C8orf34: variants seen among roughly 807,000 people sequenced by gnomAD.
C8orf34 encodes uncharacterized protein C8orf34.
In C8orf34, 65 loss-of-function variants were observed where a neutral mutation model predicts 68.3. The observed-to-expected ratio is 0.95, with a 90% CI of 0.78 to 1.17. C8orf34 has a LOEUF of 1.17. Among genes scored for constraint, C8orf34 ranks in the 50% most tolerant of loss-of-function variants. The pLI, the probability that C8orf34 is intolerant of heterozygous loss-of-function variation, is 0.00. For missense variants in C8orf34, 664 were observed against 655.4 expected (o/e 1.01, Z -0.14); for synonymous variants, 244 against 241.2 (o/e 1.01, Z -0.11).
At chr8:68,448,309 A>C (rs1811204645) in intron 3 of C8orf34, among the ~76,000 whole-genome samples, 2 of 152,162 alleles carry the variant, frequency 1.3e-5, no homozygotes, top group Admixed American at 6.6e-5. Flanking sequence ...GACTGTTACC[A>C]AGCTTTTTAA....
chr8:68,598,179 A>G (rs919176273), intron 7 of C8orf34, among the ~76,000 whole-genome samples: 1 of 152,178 alleles, frequency 6.6e-6, no homozygotes, highest in Non-Finnish European at 1.5e-5. Context: ...GCCAATTTTC[A>G]TAATCCTTGA....
intron 7 of C8orf34, among the ~76,000 whole-genome samples, chr8:68,551,632 G>T (rs1230413700): frequency 1.3e-5 from 2 of 152,014 alleles, no homozygotes. Context: ...ATGATGGACT[G>T]GTTAAGAGAA....
rs576997198 is a variant in C8orf34, at chr8:68,338,567, C to A, written c.327+7228C>A. ...CATGTATATGAAATCACACACTATG[C>A]AAATTTTTTGGTATATCCTCTTTAA... is the stretch of plus-strand genomic sequence containing the variant. On this transcript the variant is annotated intron_variant, in intron 1 of 13. Coordinates refer to ENST00000518698, the MANE Select transcript of C8orf34 (RefSeq NM_052958.4). 7.9e-4 allele frequency among the ~76,000 whole-genome samples: 121 copies of A among 152,212 alleles called. 2 individuals are homozygous for A. Among genetic ancestry groups the A allele is most frequent in the African/African-American group, 2.8e-3 (116 of 41,524 alleles).
chr8:68,771,950 C>T (rs1484656096), intron 10 of C8orf34, among the ~76,000 whole-genome samples: 1 of 152,178 alleles, frequency 6.6e-6, no homozygotes, highest in Non-Finnish European at 1.5e-5. Context: ...TGTCCCAACA[C>T]CTAACACAGT....
chr8:68,802,591 C>T (rs538127010), intron 12 of C8orf34, among the ~76,000 whole-genome samples: 10 of 152,028 alleles, frequency 6.6e-5, no homozygotes, highest in Admixed American at 6.6e-5. Context: ...CTCTGCCTCC[C>T]GGGCTCACAC....
chr8:68,800,074 CATGAG>C (rs1824287126), intron 12 of C8orf34, among the ~76,000 whole-genome samples: 1 of 152,128 alleles, frequency 6.6e-6, no homozygotes, highest in Admixed American at 6.5e-5. Flanking sequence ...AAAACTAAGT[CATGAG>C]AAGAGCAGAG....
At chr8:68,717,360 G>T (rs563212334) in intron 9 of C8orf34, among the ~76,000 whole-genome samples, 1 of 152,196 alleles carries the variant, frequency 6.6e-6, no homozygotes, top group South Asian at 2.1e-4. Flanking sequence ...ACCTGCGGTG[G>T]CAGGTGCCTG....
intron 2 of C8orf34, among the ~76,000 whole-genome samples, chr8:68,439,946 T>C (rs969862408): frequency 1.3e-5 from 2 of 152,250 alleles, no homozygotes; most frequent in Non-Finnish European, 2.9e-5. Context: ...AAACTTATTT[T>C]TTAATGAATA....
rs141188653 is a variant in C8orf34, at chr8:68,445,866, T to A, written c.476-463T>A. 2.1e-3 allele frequency among the ~76,000 whole-genome samples: 323 copies of A among 152,338 alleles called. 1 individual carries two copies. The highest frequency in any genetic ancestry group is 7.0e-3 in the African/African-American group (290 of 41,576). ...GTGCAGTGGCACAGTCTCGGCTCAC[T>A]GCAACTTCTGCCTTCCGGGTTCAAG... On this transcript the variant is annotated intron_variant, in intron 2 of 13. Coordinates refer to ENST00000518698, the MANE Select transcript of C8orf34 (RefSeq NM_052958.4).
At chr8:68,344,852 T>C (rs1482837572) in intron 1 of C8orf34, among the ~76,000 whole-genome samples, 1 of 152,074 alleles carries the variant, frequency 6.6e-6, no homozygotes, top group African/African-American at 2.4e-5. Context: ...GGGAGTAACA[T>C]GGGTAGTGAT....
At chr8:68,416,137 G>T (rs2129622795) in intron 1 of C8orf34, among the ~76,000 whole-genome samples, 1 of 152,126 alleles carries the variant, frequency 6.6e-6, no homozygotes, top group Non-Finnish European at 1.5e-5. Flanking sequence ...TATAGACTTT[G>T]GGTTCTACTA....
At chr8:68,752,584 T>TA (rs1822738353) in intron 10 of C8orf34, among the ~76,000 whole-genome samples, 1 of 152,220 alleles carries the variant, frequency 6.6e-6, no homozygotes, top group Non-Finnish European at 1.5e-5. Context: ...GTCCCACTGA[T>TA]ACTAAGAATT....
intron 2 of C8orf34, among the ~76,000 whole-genome samples, chr8:68,442,195 G>T (rs562506052): frequency 2.6e-5 from 4 of 152,216 alleles, no homozygotes; most frequent in East Asian, 1.9e-4. Context: ...TGGTTGGGGG[G>T]TCAGATAGGG....
At chr8:68,764,711 T>A (rs7845019) in intron 10 of C8orf34, among the ~76,000 whole-genome samples, 1 of 151,852 alleles carries the variant, frequency 6.6e-6, no homozygotes, top group Non-Finnish European at 1.5e-5. Context: ...GGGCCTCAGG[T>A]TTATTCAGTA....
rs186160773 is a variant in C8orf34, at chr8:68,777,355, T to G, written c.1455+906T>G. 3.9e-3 allele frequency among the ~76,000 whole-genome samples: 601 copies of G among 152,350 alleles called. 4 individuals carry two copies. Among genetic ancestry groups the G allele is most frequent in the African/African-American group, 0.012 (507 of 41,576 alleles). ...TGGGCTGCCTGCTGATGATAGAACT[T>G]AAGAATAAGTCTTCTAATTTTGTAG... On this transcript the variant is annotated intron_variant, in intron 11 of 13. Transcript: ENST00000518698.
In C8orf34 at chr8:68,534,037, G is replaced by T; in HGVS notation, c.1105+888G>T. Reference sequence around the variant, plus strand: ...GAATATGGAATCTCAGAAAAATATAGGCCATTTTCTGAAGTTTTTGTTAAA... The same window carrying T: ...GAATATGGAATCTCAGAAAAATATATGCCATTTTCTGAAGTTTTTGTTAAA... On this transcript the variant is annotated intron_variant, in intron 7 of 13. Coordinates refer to ENST00000518698, the MANE Select transcript of C8orf34 (RefSeq NM_052958.4). 3.6e-5 allele frequency: 35 copies of T among 980,726 alleles called. 1 individual carries two copies. The highest frequency in any genetic ancestry group is 4.1e-5 in the Non-Finnish European group (34 of 825,922). The allele number at this position is 980,726 out of a possible 1,614,324, so 60.8% of individuals were successfully genotyped here.
At position 68,773,737 on chromosome 8, in the gene C8orf34, A is replaced by G. The variant is rs73277933; in HGVS notation, c.1405-2662A>G. 5.0e-3 allele frequency among the ~76,000 whole-genome samples: 756 copies of G among 152,060 alleles called. 4 individuals carry two copies. Among genetic ancestry groups the G allele is most frequent in the African/African-American group, 0.017 (699 of 41,478 alleles). On this transcript the variant is annotated intron_variant, in intron 10 of 13. Transcript: ENST00000518698. Reference sequence around the variant, plus strand: ...CTCATTCACTGGTGTCACCCATTGCAGTGACTTACAAATGGCAGTTACAAC... The same window carrying G: ...CTCATTCACTGGTGTCACCCATTGCGGTGACTTACAAATGGCAGTTACAAC...
At chr8:68,709,137 A>T in intron 9 of C8orf34, 58 bp downstream of exon 9, 1 of 1,337,056 alleles carries the variant, frequency 7.5e-7, no homozygotes, top group South Asian at 1.3e-5. Context: ...AAGATTAAAG[A>T]AGTAAAGGAA....
intron 4 of C8orf34, among the ~76,000 whole-genome samples, chr8:68,471,614 T>C (rs1812380271): frequency 6.6e-6 from 1 of 152,124 alleles, no homozygotes; most frequent in Non-Finnish European, 1.5e-5. Context: ...TTGTTTTAAT[T>C]ACTAGGAAGA....
Sources: allele counts gnomAD v4.1 joint callset (sites outside exome capture counted in the v4.1 genomes callset), GRCh38; gene constraint gnomAD v4.1.1; transcripts MANE v1.5; gene names NCBI Gene and HGNC (gene_info 2026-07-23, HGNC 2026-07-21).